Variants in KAZN observed in about 807,000 individuals in gnomAD.
The protein encoded by KAZN is kazrin, periplakin interacting protein.
A neutral mutation model predicts 87.4 loss-of-function variants in KAZN; 40 were observed. The ratio of observed to expected loss-of-function variants is 0.46; its 90% confidence interval spans 0.36 to 0.60. The LOEUF (loss-of-function observed/expected upper bound fraction) is 0.60, where lower values mean the gene tolerates loss of function less well. Ranked by LOEUF, KAZN falls within the 20% of genes least tolerant of loss-of-function variation. The pLI is 0.00. For missense variants in KAZN, 898 were observed against 1,073.9 expected (o/e 0.84, Z 2.29); for synonymous variants, 466 against 458.3 (o/e 1.02, Z -0.22).
intron 1 of KAZN, among the ~76,000 whole-genome samples, chr1:14,906,089 C>A (rs1406714765): frequency 1.3e-5 from 2 of 151,136 alleles, no homozygotes; most frequent in Non-Finnish European, 2.9e-5. Flanking sequence ...ATCACTTGAA[C>A]CCGGTAGGCG....
chr1:14,281,761 A>G (rs762966851), intron 2 of KAZN, among the ~76,000 whole-genome samples: 2 of 152,240 alleles, frequency 1.3e-5, no homozygotes, highest in African/African-American at 2.4e-5. Flanking sequence ...AAAGAAATGA[A>G]CAACAGAGAC....
chr1:14,924,682 G>C, intron 1 of KAZN: 4 of 579,654 alleles, frequency 6.9e-6, no homozygotes, highest in Non-Finnish European at 8.7e-6. Context: ...GCCGCTGGTG[G>C]CAAAGTTCTC....
At chr1:14,850,665 G>A (rs1420529611) in intron 1 of KAZN, among the ~76,000 whole-genome samples, 2 of 152,142 alleles carry the variant, frequency 1.3e-5, no homozygotes, top group African/African-American at 4.8e-5. Flanking sequence ...TGCAGCTCCA[G>A]CACCCAGCAT....
chr1:14,065,716 G>A (rs1432674996), intron 1 of KAZN, among the ~76,000 whole-genome samples: 2 of 152,132 alleles, frequency 1.3e-5, no homozygotes, highest in African/African-American at 2.4e-5. Flanking sequence ...CAAGGGGCGG[G>A]CCTGGCATTT....
At chr1:14,659,996 T>C (rs1267628266) in intron 1 of KAZN, among the ~76,000 whole-genome samples, 1 of 152,086 alleles carries the variant, frequency 6.6e-6, no homozygotes, top group Non-Finnish European at 1.5e-5. Flanking sequence ...AAGGGCATCA[T>C]AATTTTGTTT....
chr1:14,381,722 C>CTGAA (rs1407447464), intron 2 of KAZN, among the ~76,000 whole-genome samples: 5 of 152,046 alleles, frequency 3.3e-5, no homozygotes, highest in African/African-American at 1.2e-4. Context: ...TAATATCATG[C>CTGAA]TGAATGGGAA....
intron 12 of KAZN, 121 bp from the exon 13 acceptor site, chr1:15,103,902 A>T: frequency 1.0e-6 from 1 of 1,004,218 alleles, no homozygotes; most frequent in Non-Finnish European, 1.4e-6. Context: ...CCGTCAAATT[A>T]ACTGGTCCCC....
chr1:14,581,708 C>A (rs765977269), intron 2 of KAZN, among the ~76,000 whole-genome samples: 7 of 152,206 alleles, frequency 4.6e-5, no homozygotes, highest in Non-Finnish European at 1.0e-4. Flanking sequence ...TCATTCCACT[C>A]CATGCCTGCC....
chr1:14,971,620 G>A (rs147970629), intron 2 of KAZN, among the ~76,000 whole-genome samples: 232 of 151,416 alleles, frequency 1.5e-3, no homozygotes, highest in Middle Eastern at 3.4e-3. Flanking sequence ...CTGGAAGTGG[G>A]TGTCTTTCAG....
At chr1:14,033,886 G>A (rs555848260) in intron 1 of KAZN, among the ~76,000 whole-genome samples, 18 of 152,318 alleles carry the variant, frequency 1.2e-4, no homozygotes, top group Admixed American at 9.8e-4. Flanking sequence ...TAAAGGGAAG[G>A]AAACCTGGGA....
intron 2 of KAZN, among the ~76,000 whole-genome samples, chr1:14,363,024 C>T (rs1284577960): frequency 6.6e-6 from 1 of 152,146 alleles, no homozygotes; most frequent in Non-Finnish European, 1.5e-5. Context: ...CATTTCTCCT[C>T]CTATGAAGAA....
chr1:14,598,728 G>A lies in KAZN; in HGVS notation c.-270G>A. 1 of 1,319,820 alleles carries A rather than the reference G, an allele frequency of 7.6e-7. No homozygotes were observed. The allele number at this position is 1,319,820 out of a possible 1,614,324, so 81.8% of individuals were successfully genotyped here. A position where few individuals can be genotyped will look rare whatever the true frequency, so the allele number is the denominator to read the frequency against. On this transcript the variant is annotated 5_prime_UTR_variant, in exon 1 of 15. Coordinates refer to ENST00000376030, the MANE Select transcript of KAZN (RefSeq NM_201628.3). This position sits in a 1 kb window ranked among gnomAD's most constrained non-coding sequence, Gnocchi z 4.2. ...GGCGCCCGCCCGCCGGGGTCTCGGCGATCGCTGCTCCTCCTCCTCCTTCTC... is the reference window on the plus strand; with the variant it reads ...GGCGCCCGCCCGCCGGGGTCTCGGCAATCGCTGCTCCTCCTCCTCCTTCTC...
intron 2 of KAZN, among the ~76,000 whole-genome samples, chr1:14,335,265 C>T (rs964709492): frequency 4.7e-5 from 7 of 149,236 alleles, no homozygotes; most frequent in African/African-American, 9.9e-5. Flanking sequence ...TGTAGTGGTG[C>T]GATCTCGGCT....
intron 2 of KAZN, among the ~76,000 whole-genome samples, chr1:14,496,834 C>A (rs1340387952): frequency 6.6e-6 from 1 of 150,906 alleles, no homozygotes; most frequent in African/African-American, 2.4e-5. Flanking sequence ...ATTTGAAAGG[C>A]TTACCAAAAA....
intron 1 of KAZN, among the ~76,000 whole-genome samples, chr1:14,818,065 G>C (rs938893462): frequency 3.3e-5 from 5 of 152,204 alleles, no homozygotes; most frequent in Admixed American, 2.0e-4. Flanking sequence ...TTAACTCCTG[G>C]CATACCTAAC....
chr1:14,968,049 T>G (rs1306460195), intron 2 of KAZN, among the ~76,000 whole-genome samples: 1 of 152,130 alleles, frequency 6.6e-6, no homozygotes, highest in African/African-American at 2.4e-5. Context: ...CTACATTTCT[T>G]GTGCACTAAA....
intron 1 of KAZN, among the ~76,000 whole-genome samples, chr1:14,045,568 C>A (rs959008078): frequency 4.6e-5 from 7 of 152,182 alleles, no homozygotes; most frequent in African/African-American, 1.7e-4. Flanking sequence ...TAACTGACAG[C>A]AGATTCTGAA....
chr1:15,072,517 C>T (rs1028814297), intron 8 of KAZN, among the ~76,000 whole-genome samples: 2 of 152,194 alleles, frequency 1.3e-5, no homozygotes, highest in African/African-American at 4.8e-5. Context: ...AACACTTAGA[C>T]GCTGCTCTCA....
chr1:14,241,929 C>A (rs529717957), intron 2 of KAZN, among the ~76,000 whole-genome samples: 1 of 152,316 alleles, frequency 6.6e-6, no homozygotes, highest in African/African-American at 2.4e-5. Context: ...GTGTGCCAAA[C>A]CTCCTTACTT....
Sources: gnomAD v4.1 joint callset for allele counts (sites outside exome capture counted in the v4.1 genomes callset) on GRCh38, gnomAD v4.1.1 for gene constraint, Gnocchi (gnomAD v3.1) non-coding constraint, MANE v1.5 for transcripts, NCBI Gene and HGNC (gene_info 2026-07-23, HGNC 2026-07-21) for gene names.